Variants in SOX6 observed in about 807,000 individuals in gnomAD.
SOX6 encodes transcription factor SOX-6.
A neutral mutation model predicts 97.8 loss-of-function variants in SOX6; 11 were observed. The ratio of observed to expected loss-of-function variants is 0.11; its 90% CI spans 0.07 to 0.19. The LOEUF is 0.19. SOX6 is among the 10% of genes least tolerant of loss of function. The pLI is 1.00. For synonymous variants in SOX6, 360 were observed against 371.4 expected (o/e 0.97, Z 0.35); for missense variants, 810 against 1,039.5 (o/e 0.78, Z 3.04).
intron 3 of SOX6, among the ~76,000 whole-genome samples, chr11:16,238,019 AGTC>A (rs1301956980): frequency 6.6e-6 from 1 of 151,996 alleles, no homozygotes; most frequent in East Asian, 1.9e-4. Flanking sequence ...ATTATGCTAA[AGTC>A]GTATTGAAAT....
At chr11:16,074,100 CAG>C (rs1211653902) in intron 9 of SOX6, among the ~76,000 whole-genome samples, 3 of 152,070 alleles carry the variant, frequency 2.0e-5, no homozygotes, top group Non-Finnish European at 4.4e-5. Flanking sequence ...TAACCACAAT[CAG>C]AGCTGAACTG....
intron 1 of SOX6, among the ~76,000 whole-genome samples, chr11:16,426,117 G>A (rs542030476): frequency 2.2e-4 from 34 of 151,352 alleles, no homozygotes; most frequent in Admixed American, 9.2e-4. Flanking sequence ...TTAGCCAGGC[G>A]TGGTGGTGGG....
chr11:16,371,958 A>G (rs1857504055), intron 1 of SOX6, among the ~76,000 whole-genome samples: 1 of 152,060 alleles, frequency 6.6e-6, no homozygotes, highest in Admixed American at 6.6e-5. Flanking sequence ...CATAGATAAT[A>G]CTCAGTATAT....
intron 13 of SOX6, among the ~76,000 whole-genome samples, chr11:16,000,006 C>T (rs1339121582): frequency 6.6e-6 from 1 of 152,110 alleles, no homozygotes; most frequent in Non-Finnish European, 1.5e-5. Context: ...TGATTTTTCA[C>T]CATATTTATC....
chr11:16,152,248 G>C, intron 6 of SOX6, among the ~76,000 whole-genome samples: 1 of 152,036 alleles, frequency 6.6e-6, no homozygotes, highest in East Asian at 1.9e-4. Context: ...TGTATGCTTT[G>C]GAGGTCAAGC....
chr11:16,436,697 G>T (rs528789696), intron 1 of SOX6, among the ~76,000 whole-genome samples: 3 of 152,204 alleles, frequency 2.0e-5, no homozygotes, highest in African/African-American at 7.2e-5. Context: ...TACTTTACTG[G>T]GTTGTTGGAA....
At chr11:16,584,574 G>C (rs1848071992) in intron 4 of SOX6, among the ~76,000 whole-genome samples, 1 of 152,124 alleles carries the variant, frequency 6.6e-6, no homozygotes, top group Admixed American at 6.5e-5. Flanking sequence ...AAACAGTATG[G>C]AATGATTAGT....
Position 16,118,472 on chromosome 11 carries a change from C to T in SOX6, c.778-6549G>A, listed in dbSNP as rs145102612. Among the ~76,000 whole-genome samples the T allele has an allele frequency of 5.2e-3, 795 of 152,334 alleles. 7 individuals carry two copies. Among genetic ancestry groups the T allele is most frequent in the Middle Eastern group, 0.01 (3 of 294 alleles). On this transcript the variant is annotated intron_variant, in intron 6 of 15. Transcript: ENST00000683767. ...CAGCATTGTTGCATCAACACTTATC[C>T]CCTTTGTTTTCTCTGTGCTAAGTTG...
chr11:16,048,198 C>A (rs561081990), intron 11 of SOX6, among the ~76,000 whole-genome samples: 3 of 152,130 alleles, frequency 2.0e-5, no homozygotes, highest in African/African-American at 7.2e-5. Context: ...GGCTTTCTTC[C>A]CTCATCTCAC....
chr11:16,372,695 A>C (rs1857523121), intron 1 of SOX6, among the ~76,000 whole-genome samples: 1 of 152,182 alleles, frequency 6.6e-6, no homozygotes, highest in South Asian at 2.1e-4. Context: ...AATTTAAATA[A>C]AAGCAAAGTA....
chr11:16,677,654 T>C (rs1847895065), intron 3 of SOX6, among the ~76,000 whole-genome samples: 2 of 152,220 alleles, frequency 1.3e-5, no homozygotes, highest in Non-Finnish European at 2.9e-5. Context: ...GTAAGGAGTA[T>C]TGATCTGTGA....
At chr11:16,506,865 A>G (rs1319200483) in intron 4 of SOX6, among the ~76,000 whole-genome samples, 1 of 152,010 alleles carries the variant, frequency 6.6e-6, no homozygotes, top group Non-Finnish European at 1.5e-5. Flanking sequence ...GGAGTTCGAG[A>G]CCAGCCTGGT....
chr11:16,373,431 G>A (rs1857546031), intron 1 of SOX6, among the ~76,000 whole-genome samples: 1 of 151,874 alleles, frequency 6.6e-6, no homozygotes, highest in Admixed American at 6.6e-5. Flanking sequence ...TGTTCCATTG[G>A]TCTAACTTCC....
At chr11:16,582,973 C>T (rs1421694924) in intron 4 of SOX6, among the ~76,000 whole-genome samples, 1 of 151,996 alleles carries the variant, frequency 6.6e-6, no homozygotes, top group Non-Finnish European at 1.5e-5. Flanking sequence ...TATCAAAACC[C>T]TTATAAAGAT....
intron 12 of SOX6, 48 bp downstream of exon 12, chr11:16,046,466 T>A: frequency 6.2e-7 from 1 of 1,601,416 alleles, no homozygotes; most frequent in East Asian, 2.2e-5. Flanking sequence ...CAGATGAGAG[T>A]GAGCCAATAA....
chr11:16,450,684 G>A (rs1859700302), intron 1 of SOX6, among the ~76,000 whole-genome samples: 1 of 152,172 alleles, frequency 6.6e-6, no homozygotes, highest in South Asian at 2.1e-4. Context: ...TGTCACCTGA[G>A]CAGAGTTTTG....
At chr11:16,195,699 T>C (rs150418363) in intron 4 of SOX6, among the ~76,000 whole-genome samples, 482 of 152,336 alleles carry the variant, frequency 3.2e-3, no homozygotes, top group Non-Finnish European at 5.3e-3. Flanking sequence ...TCTTCCCAAA[T>C]AGCATATGGC....
At chr11:16,119,389 C>T (rs992371972) in intron 6 of SOX6, among the ~76,000 whole-genome samples, 1 of 152,166 alleles carries the variant, frequency 6.6e-6, no homozygotes, top group Non-Finnish European at 1.5e-5. Context: ...TACTCTGCTT[C>T]GCCCTTCCTT....
At chr11:15,995,832 A>T (rs947857427) in intron 13 of SOX6, among the ~76,000 whole-genome samples, 2 of 152,222 alleles carry the variant, frequency 1.3e-5, no homozygotes, top group African/African-American at 4.8e-5. Context: ...CATCTTTATA[A>T]TGCTATAAAA....
Sources: allele counts gnomAD v4.1 joint callset (sites outside exome capture counted in the v4.1 genomes callset), GRCh38; gene constraint gnomAD v4.1.1; transcripts MANE v1.5; gene names NCBI Gene and HGNC (gene_info 2026-07-23, HGNC 2026-07-21).